TSPAN11: variants seen among roughly 807,000 people sequenced by gnomAD.
The protein encoded by TSPAN11 is tetraspanin-11.
In TSPAN11, 29 loss-of-function variants were observed where a neutral mutation model predicts 32.9. The observed-to-expected ratio is 0.88, with a 90% CI of 0.66 to 1.20. The LOEUF (loss-of-function observed/expected upper bound fraction) is 1.20. TSPAN11 is among the 50% of genes most tolerant of loss of function. TSPAN11 has a pLI of 0.00. For missense variants in TSPAN11, 283 were observed against 329.1 expected (o/e 0.86, Z 1.08); for synonymous variants, 140 against 141.3 (o/e 0.99, Z 0.07).
chr12:30,954,079 A>G lies in TSPAN11; in HGVS notation c.84+4A>G. ...TGTCTTCAACTTCTTCTTCTGGGTG[A>G]GTGAATTCTGCACACACATCCTCTT... On this transcript the variant is annotated splice_donor_region_variant and intron_variant, in intron 2 of 7. Transcript: ENST00000546076. The G allele has an allele frequency of 6.2e-7, 1 of 1,606,056 alleles. No homozygotes were observed. The highest frequency in any genetic ancestry group is 8.5e-7 in the Non-Finnish European group (1 of 1,173,060).
chr12:30,973,745 T>C (rs7954755), intron 3 of TSPAN11, among the ~76,000 whole-genome samples: 11,167 of 152,228 alleles, frequency 0.073, 1,024 homozygotes, highest in East Asian at 0.39. Flanking sequence ...CATGGAAATA[T>C]GGGCTGAGAA....
rs553469858 is a variant in TSPAN11 at position 30,995,290 on chromosome 12, T to C, written c.*3375T>C. 6.6e-6 allele frequency: 1 copy of C among 152,418 alleles called. No homozygotes were observed. The highest frequency in any genetic ancestry group is 2.4e-5 in the African/African-American group (1 of 41,594). The allele number at this position is 152,418 out of a possible 1,614,324, so 9.4% of individuals were successfully genotyped here. A position where few individuals can be genotyped will look rare whatever the true frequency, so the allele number is the denominator to read the frequency against. On this transcript the variant is annotated 3_prime_UTR_variant, in exon 8 of 8. Transcript: ENST00000546076. Reference sequence around the variant, plus strand: ...GTCACACCCACTCCCAGAGCAACCCTGGGCAGGGAGGGGCACCCTGGGGTT... The same window carrying C: ...GTCACACCCACTCCCAGAGCAACCCCGGGCAGGGAGGGGCACCCTGGGGTT...
intron 1 of TSPAN11, among the ~76,000 whole-genome samples, chr12:30,942,265 C>T (rs1327020346): frequency 1.3e-5 from 2 of 152,204 alleles, no homozygotes; most frequent in Non-Finnish European, 2.9e-5. Flanking sequence ...AATCCTCCAT[C>T]CCATTTGGTC....
chr12:30,944,531 T>G (rs939032634), intron 1 of TSPAN11, among the ~76,000 whole-genome samples: 18 of 152,108 alleles, frequency 1.2e-4, no homozygotes, highest in African/African-American at 4.3e-4. Context: ...TGTGTCTATA[T>G]CCAAAGGAAG....
chr12:31,006,990 T>G, the TSPAN11 span, among the ~76,000 whole-genome samples: 1 of 152,176 alleles, frequency 6.6e-6, no homozygotes, highest in African/African-American at 2.4e-5. Flanking sequence ...TTAGGACCCA[T>G]GGACAGCCAC....
chr12:30,940,828 G>A (rs976714320), intron 1 of TSPAN11, among the ~76,000 whole-genome samples: 5 of 152,206 alleles, frequency 3.3e-5, no homozygotes, highest in Admixed American at 6.5e-5. Context: ...GCAGGTGAAC[G>A]AGCATTACCG....
At chr12:31,014,532 T>C in the TSPAN11 span, among the ~76,000 whole-genome samples, 12,313 of 152,284 alleles carry the variant, frequency 0.081, 664 homozygotes, top group Middle Eastern at 0.13. Flanking sequence ...TGTCTGACTA[T>C]AGGGCTTTTG....
intron 1 of TSPAN11, among the ~76,000 whole-genome samples, chr12:30,953,048 C>G (rs1642005423): frequency 6.6e-6 from 1 of 152,148 alleles, no homozygotes; most frequent in South Asian, 2.1e-4. Flanking sequence ...CTGCCTGTAT[C>G]ACCACCATTG....
chr12:30,936,817 G>A (rs1433115869), intron 1 of TSPAN11, among the ~76,000 whole-genome samples: 1 of 152,186 alleles, frequency 6.6e-6, no homozygotes, highest in Non-Finnish European at 1.5e-5. Flanking sequence ...GCTTGTTGGA[G>A]GTGGATGGAG....
intron 3 of TSPAN11, 25 bp downstream of exon 3, chr12:30,964,042 AGGG>A: frequency 1.1e-5 from 17 of 1,605,640 alleles, no homozygotes; most frequent in Non-Finnish European, 1.4e-5. Context: ...TGTGCTCTGC[AGGG>A]ATGGGGAGCC....
downstream of TSPAN11, among the ~76,000 whole-genome samples, chr12:30,997,944 G>C (rs547718867): frequency 4.0e-4 from 61 of 152,324 alleles, no homozygotes; most frequent in African/African-American, 1.4e-3. Context: ...GGGCCTCTTT[G>C]GTCAAGGTCC....
At chr12:30,927,217 G>T (rs1008955001) in intron 1 of TSPAN11, among the ~76,000 whole-genome samples, 1 of 152,226 alleles carries the variant, frequency 6.6e-6, no homozygotes, top group African/African-American at 2.4e-5. Flanking sequence ...CCAAAATGCT[G>T]TATCTGGTGC....
At chr12:30,990,137 C>CGTGTGT (rs10692114) in intron 7 of TSPAN11, among the ~76,000 whole-genome samples, 70 of 151,768 alleles carry the variant, frequency 4.6e-4, no homozygotes, top group African/African-American at 1.5e-3. Flanking sequence ...GTGGTGTTCA[C>CGTGTGT]GTGTGTGTGT....
chr12:30,966,591 T>C lies in TSPAN11; in HGVS notation c.276+2574T>C, dbSNP rs557629812. 2.0e-5 allele frequency among the ~76,000 whole-genome samples: 3 copies of C among 152,316 alleles called. No individual in the cohort carries two copies. In the East Asian group the frequency reaches 5.8e-4, roughly 29 times the overall value. On this transcript the variant is annotated intron_variant, in intron 3 of 7. Transcript: ENST00000546076. ...TAATGGCTGGAGCTGGACTGTGCGT[T>C]GCTGTCTGTTGGAATCACCTCTAAG...
chr12:30,963,541 C>G (rs1938657081), intron 2 of TSPAN11, among the ~76,000 whole-genome samples: 1 of 152,204 alleles, frequency 6.6e-6, no homozygotes, highest in South Asian at 2.1e-4. Context: ...GTCCTCTCCC[C>G]TGGCCTCATA....
At chr12:30,952,224 A>G (rs1285505999) in intron 1 of TSPAN11, among the ~76,000 whole-genome samples, 1 of 152,130 alleles carries the variant, frequency 6.6e-6, no homozygotes, top group Non-Finnish European at 1.5e-5. Context: ...GAGACTGCAG[A>G]CAGGAGTGGC....
At chr12:30,978,336 A>G (rs954337746) in intron 3 of TSPAN11, 1 of 570,380 alleles carries the variant, frequency 1.8e-6, no homozygotes, top group Admixed American at 3.0e-5. Flanking sequence ...TTTAATACAT[A>G]TTGGATGGGT....
chr12:30,943,582 C>T (rs1472797882), intron 1 of TSPAN11, among the ~76,000 whole-genome samples: 2 of 152,224 alleles, frequency 1.3e-5, no homozygotes, highest in African/African-American at 4.8e-5. Context: ...GAAACCAGAT[C>T]CTGCCCTGCT....
intron 2 of TSPAN11, among the ~76,000 whole-genome samples, chr12:30,958,615 CTG>C (rs1938546872): frequency 6.6e-6 from 1 of 152,192 alleles, no homozygotes; most frequent in Non-Finnish European, 1.5e-5. Flanking sequence ...GTAAAAGAAA[CTG>C]AGTCTTGTTC....
Sources: gnomAD v4.1 joint callset for allele counts (sites outside exome capture counted in the v4.1 genomes callset) on GRCh38, gnomAD v4.1.1 for gene constraint, MANE v1.5 for transcripts, NCBI Gene and HGNC (gene_info 2026-07-23, HGNC 2026-07-21) for gene names.